The following SLC44A5 variants were observed in gnomAD, a reference collection of about 807,000 sequenced individuals.
SLC44A5 encodes the protein choline transporter-like protein 5.
A neutral mutation model predicts 101.8 loss-of-function variants in SLC44A5; 57 were observed. That is an observed-to-expected ratio of 0.56 (90% CI 0.45 to 0.70). SLC44A5 has a LOEUF of 0.70. Among genes scored for constraint, SLC44A5 ranks in the 30% least tolerant of loss-of-function variants. SLC44A5 has a pLI of 0.00. For missense variants in SLC44A5, 737 were observed against 853.1 expected, an observed-to-expected ratio of 0.86 and a Z score of 1.70; for synonymous variants, 281 against 290.9, an observed-to-expected ratio of 0.97 and a Z score of 0.35.
chr1:75,641,506 G>T, the SLC44A5 span: 2 of 1,463,934 alleles, frequency 1.4e-6, no homozygotes, highest in South Asian at 1.1e-5. Flanking sequence ...TGTAAACATT[G>T]TGATCTTCTG....
intron 1 of SLC44A5, among the ~76,000 whole-genome samples, chr1:75,603,556 A>G (rs1291757993): frequency 3.3e-5 from 5 of 152,006 alleles, no homozygotes; most frequent in African/African-American, 1.2e-4. Flanking sequence ...AGAGACCTCC[A>G]AACTGCTTTC....
chr1:75,371,817 G>A (rs1394633360), intron 3 of SLC44A5, among the ~76,000 whole-genome samples: 1 of 152,132 alleles, frequency 6.6e-6, no homozygotes, highest in Non-Finnish European at 1.5e-5. Flanking sequence ...ACACAGGTGA[G>A]GAACAGTTGA....
intron 1 of SLC44A5, among the ~76,000 whole-genome samples, chr1:75,556,199 T>G (rs1185171349): frequency 6.6e-6 from 1 of 152,080 alleles, no homozygotes; most frequent in African/African-American, 2.4e-5. Context: ...CCAAGCAAAA[T>G]TAGTCACATT....
At chr1:75,680,162 G>A in the SLC44A5 span, among the ~76,000 whole-genome samples, 1 of 152,046 alleles carries the variant, frequency 6.6e-6, no homozygotes, top group South Asian at 2.1e-4. Context: ...CATAAATAAT[G>A]GGAGGCTTTA....
chr1:75,662,813 T>C, the SLC44A5 span, among the ~76,000 whole-genome samples: 1 of 152,120 alleles, frequency 6.6e-6, no homozygotes, highest in Non-Finnish European at 1.5e-5. Flanking sequence ...TGTGTACTTA[T>C]TATATGGCCC....
At chr1:75,285,011 G>A (rs1328894389) in intron 5 of SLC44A5, among the ~76,000 whole-genome samples, 2 of 152,068 alleles carry the variant, frequency 1.3e-5, no homozygotes, top group African/African-American at 4.8e-5. Flanking sequence ...GCATTAGGGT[G>A]ATACTGGCTT....
chr1:75,308,600 A>C (rs1025107196), intron 4 of SLC44A5, among the ~76,000 whole-genome samples: 8 of 152,238 alleles, frequency 5.3e-5, no homozygotes, highest in African/African-American at 1.9e-4. Context: ...TGCTTATATT[A>C]CAGGTGGGGC....
At chr1:75,640,515 G>A in the SLC44A5 span, among the ~76,000 whole-genome samples, 1 of 151,994 alleles carries the variant, frequency 6.6e-6, no homozygotes, top group Non-Finnish European at 1.5e-5. Context: ...CATCACAGAA[G>A]GAAGCTTGTC....
chr1:75,271,168 T>C (rs1651435554), intron 6 of SLC44A5, among the ~76,000 whole-genome samples: 1 of 152,144 alleles, frequency 6.6e-6, no homozygotes, highest in Non-Finnish European at 1.5e-5. Flanking sequence ...TACCCTGACA[T>C]GATTAGGAAT....
chr1:75,405,109 C>G (rs1226540064), intron 2 of SLC44A5, among the ~76,000 whole-genome samples: 2 of 152,196 alleles, frequency 1.3e-5, no homozygotes, highest in African/African-American at 4.8e-5. Context: ...AAGGGCATTA[C>G]ATACTGGTAA....
intron 1 of SLC44A5, among the ~76,000 whole-genome samples, chr1:75,561,033 T>G (rs1212933926): frequency 6.6e-6 from 1 of 152,148 alleles, no homozygotes; most frequent in Non-Finnish European, 1.5e-5. Flanking sequence ...CCCATTCATG[T>G]GTCCACAGGG....
intron 5 of SLC44A5, among the ~76,000 whole-genome samples, chr1:75,276,215 C>T (rs921131690): frequency 9.9e-5 from 15 of 152,062 alleles, no homozygotes; most frequent in African/African-American, 1.7e-4. Context: ...CTGACTCATT[C>T]GGGTAGCTCT....
chr1:75,376,951 A>C (rs1487383146), intron 3 of SLC44A5, among the ~76,000 whole-genome samples: 1 of 152,194 alleles, frequency 6.6e-6, no homozygotes, highest in Non-Finnish European at 1.5e-5. Context: ...AGAATGTAAA[A>C]CTAGAATAAC....
chr1:75,525,552 A>G (rs892472779), intron 2 of SLC44A5, among the ~76,000 whole-genome samples: 2 of 152,166 alleles, frequency 1.3e-5, no homozygotes, highest in Non-Finnish European at 1.5e-5. Flanking sequence ...AAAGAAATAA[A>G]GGGATTTTGA....
At chr1:75,281,199 G>A (rs1025348841) in intron 5 of SLC44A5, among the ~76,000 whole-genome samples, 3 of 152,140 alleles carry the variant, frequency 2.0e-5, no homozygotes, top group Non-Finnish European at 4.4e-5. Flanking sequence ...GGACAATGAA[G>A]TCCAGGCTGA....
intron 2 of SLC44A5, among the ~76,000 whole-genome samples, chr1:75,453,869 C>T (rs1445896674): frequency 6.6e-6 from 1 of 152,048 alleles, no homozygotes; most frequent in African/African-American, 2.4e-5. Context: ...AAATCCTGAA[C>T]AGATCAATAT....
rs767136305 is a variant in SLC44A5 at position 75,236,945 on chromosome 1, A to G, written c.740+42T>C. ...GAAAGAGTTCTACAAAGATAAAATC[A>G]GAATGGGGCTGGAGAAGAAACATCT... is the stretch of plus-strand genomic sequence containing the variant. On this transcript the variant is annotated intron_variant, in intron 11 of 23. Transcript: ENST00000370859. 18 of 1,075,978 alleles carry G rather than the reference A, an allele frequency of 1.7e-5. No individual in the cohort carries two copies. In the East Asian group the frequency reaches 2.9e-4, roughly 17 times the overall value. 66.7% of individuals were successfully genotyped at this position (1,075,978 alleles called of 1,614,324 possible). A position where few individuals can be genotyped will look rare whatever the true frequency, so the allele number is the denominator to read the frequency against.
At chr1:75,583,056 C>T (rs942526131) in intron 1 of SLC44A5, among the ~76,000 whole-genome samples, 1 of 152,192 alleles carries the variant, frequency 6.6e-6, no homozygotes, top group Non-Finnish European at 1.5e-5. Context: ...TCTTGTCTAA[C>T]TCAAAGCATT....
At chr1:75,521,297 A>C (rs1020281547) in intron 2 of SLC44A5, among the ~76,000 whole-genome samples, 7 of 152,226 alleles carry the variant, frequency 4.6e-5, no homozygotes, top group African/African-American at 1.4e-4. Flanking sequence ...AAAGCAGGGA[A>C]ATAGTGTAAC....
Sources: allele counts gnomAD v4.1 joint callset (sites outside exome capture counted in the v4.1 genomes callset), GRCh38; gene constraint gnomAD v4.1.1; transcripts MANE v1.5; gene names NCBI Gene and HGNC (gene_info 2026-07-23, HGNC 2026-07-21).